Variants in SCN10A observed in about 807,000 individuals in gnomAD.
The protein encoded by SCN10A is sodium channel protein type 10 subunit alpha.
Under a neutral mutation model 170.7 loss-of-function variants are expected in SCN10A, and 162 were observed. The ratio of observed to expected loss-of-function variants is 0.95; its 90% confidence interval spans 0.84 to 1.08. The LOEUF (loss-of-function observed/expected upper bound fraction) is 1.08. SCN10A is among the 50% of genes least tolerant of loss of function. The pLI, the probability that SCN10A is intolerant of heterozygous loss-of-function variation, is 0.00. For synonymous variants in SCN10A, 985 were observed against 904.6 expected, an observed-to-expected ratio of 1.09 and a Z score of -1.59; for missense variants, 2,527 against 2,436.9, an observed-to-expected ratio of 1.04 and a Z score of -0.78.
At chr3:38,793,077 CAT>C (rs1473512814) in intron 2 of SCN10A, among the ~76,000 whole-genome samples, 1 of 151,622 alleles carries the variant, frequency 6.6e-6, no homozygotes, top group Non-Finnish European at 1.5e-5. Context: ...ATATATACAT[CAT>C]ATGTGTGTGT....
At chr3:38,811,976 G>A (rs1209339041) in intron 1 of SCN10A, among the ~76,000 whole-genome samples, 1 of 152,174 alleles carries the variant, frequency 6.6e-6, no homozygotes, top group Non-Finnish European at 1.5e-5. Context: ...TTACGGTGGG[G>A]CAATGAGCCA....
rs543104450 is a variant in SCN10A, at chr3:38,746,127, C to A, written c.1868-3598G>T. 2.3e-4 allele frequency among the ~76,000 whole-genome samples: 29 copies of A among 123,920 alleles called. No individual in the cohort carries two copies. In the South Asian group the frequency reaches 7.4e-3, roughly 32 times the overall value. 81.3% of individuals were successfully genotyped at this position (123,920 alleles called of 152,430 possible). The stretch of plus-strand genomic sequence containing the variant: ...CCATCTTTGTCATCTAAGTTCTAGA[C>A]CCCTATATCCTAAAGTCAACTTCCT... On this transcript the variant is annotated intron_variant, in intron 13 of 27. Coordinates refer to ENST00000449082, the MANE Select transcript of SCN10A (RefSeq NM_006514.4).
At chr3:38,746,640 T>C (rs2063693799) in intron 13 of SCN10A, among the ~76,000 whole-genome samples, 1 of 152,192 alleles carries the variant, frequency 6.6e-6, no homozygotes, top group African/African-American at 2.4e-5. Context: ...TCTAGCCTTA[T>C]TTTCAGTTCT....
intron 18 of SCN10A, 88 bp downstream of exon 18, chr3:38,725,086 A>T: frequency 1.5e-6 from 2 of 1,317,164 alleles, no homozygotes; most frequent in Non-Finnish European, 2.1e-6. Context: ...GGAATACCCC[A>T]CCTTCACCGC....
chr3:38,697,784 T>G lies in SCN10A; in HGVS notation c.5436A>C (p.Leu1812=), dbSNP rs201753955. ...DILFAFTKNV[L]GESGELDSLK... ...GAGAATCCAACTCCCCGGATTCTCC[T>G]AGGACATTCTTGGTGAAAGCAAAAA... The change falls in exon 28 of 28, where the codon CTA becomes CTC. Residue 1812 remains leucine, a synonymous_variant. Transcript: ENST00000449082. The G allele has an allele frequency of 6.2e-7, 1 of 1,614,162 alleles. No homozygotes were observed. Among genetic ancestry groups the G allele is most frequent in the South Asian group, 1.1e-5 (1 of 91,080 alleles).
intron 16 of SCN10A, among the ~76,000 whole-genome samples, chr3:38,727,787 C>T (rs532310183): frequency 6.6e-6 from 1 of 152,216 alleles, no homozygotes; most frequent in Admixed American, 6.5e-5. Context: ...CCAGTCAGTC[C>T]CAGGAGGGCA....
intron 24 of SCN10A, among the ~76,000 whole-genome samples, chr3:38,710,557 G>A (rs1028548081): frequency 2.0e-5 from 3 of 152,166 alleles, no homozygotes; most frequent in Admixed American, 2.0e-4. Flanking sequence ...TGTCCAGGGA[G>A]TGGCTCACAT....
In SCN10A at chr3:38,763,545, G is replaced by A. The variant is rs1476063521; in HGVS notation, c.651C>T (p.Phe217=). ...DLRGISGLRT[F]RVLRALKTVS... is the part of the protein sequence containing the mutation. Reference sequence around the variant, plus strand: ...CTGTTTTTAATGCTCTAAGAACTCTGAATGTCCGCAGGCCTGAGATCCCAC... The same window carrying A: ...CTGTTTTTAATGCTCTAAGAACTCTAAATGTCCGCAGGCCTGAGATCCCAC... Residue 217 remains phenylalanine (F), a synonymous_variant, in exon 6 of 28, where the codon TTC becomes TTT. Coordinates refer to ENST00000449082, the MANE Select transcript of SCN10A (RefSeq NM_006514.4). 6 of 1,613,978 alleles carry A rather than the reference G, an allele frequency of 3.7e-6. No homozygotes were observed. The highest frequency in any genetic ancestry group is 2.2e-5 in the South Asian group (2 of 91,084).
chr3:38,705,260 GA>G (rs1440036650), intron 26 of SCN10A, among the ~76,000 whole-genome samples: 1 of 151,976 alleles, frequency 6.6e-6, no homozygotes, highest in Non-Finnish European at 1.5e-5. Flanking sequence ...GCTTGGGCCA[GA>G]ATATTAAGGG....
intron 16 of SCN10A, among the ~76,000 whole-genome samples, chr3:38,727,578 A>T (rs2063471496): frequency 6.6e-6 from 1 of 152,172 alleles, no homozygotes; most frequent in Non-Finnish European, 1.5e-5. Flanking sequence ...GGAAGAACAG[A>T]GTTTCTGGGA....
At chr3:38,793,679 G>A in intron 2 of SCN10A, 62 bp downstream of exon 2, 1 of 1,566,736 alleles carries the variant, frequency 6.4e-7, no homozygotes, top group Non-Finnish European at 8.7e-7. Context: ...TTTCTGGGCT[G>A]GGTGGGACCG....
intron 15 of SCN10A, among the ~76,000 whole-genome samples, chr3:38,738,109 T>A (rs2063590689): frequency 6.6e-6 from 1 of 151,882 alleles, no homozygotes; most frequent in Non-Finnish European, 1.5e-5. Context: ...CCTGGCTAAT[T>A]TTTTCATTTT....
chr3:38,801,717 G>C (rs2064372400), intron 1 of SCN10A, among the ~76,000 whole-genome samples: 1 of 152,180 alleles, frequency 6.6e-6, no homozygotes, highest in South Asian at 2.1e-4. Flanking sequence ...ATTTGACTCT[G>C]TATAGTAGAT....
intron 21 of SCN10A, among the ~76,000 whole-genome samples, chr3:38,714,332 C>G (rs2063308963): frequency 6.6e-6 from 1 of 152,222 alleles, no homozygotes. Context: ...TCACCAACCT[C>G]TGGTACGTAG....
In SCN10A at chr3:38,723,544, C is replaced by T. The variant is rs376528831; in HGVS notation, c.3238G>A (p.Asp1080Asn). ...VPQVPAEGVD[D>N]TSSSEGSTVD... The stretch of plus-strand genomic sequence containing the variant: ...GTGCTGCCCTCAGAGGAGCTTGTGT[C>T]GTCCACTCCCTGCAGGGGAGAAGCC... Residue 1080 changes from aspartate to asparagine, a missense_variant, in exon 19 of 28, where the codon GAC (aspartate) becomes AAC (asparagine). Physicochemically the swap from Asp to Asn is conservative, Grantham distance 23. Coordinates refer to ENST00000449082, the MANE Select transcript of SCN10A (RefSeq NM_006514.4). 6.4e-5 allele frequency: 102 copies of T among 1,594,682 alleles called. No homozygotes were observed. The Admixed American group carries it at 1.4e-3, about 22-fold the overall frequency.
chr3:38,800,678 T>C (rs934488616), intron 1 of SCN10A, among the ~76,000 whole-genome samples: 3 of 152,254 alleles, frequency 2.0e-5, no homozygotes, highest in Admixed American at 6.5e-5. Context: ...TAGGACTTCC[T>C]GCCTTTTGTT....
chr3:38,803,493 C>A, intron 1 of SCN10A, among the ~76,000 whole-genome samples: 1 of 152,072 alleles, frequency 6.6e-6, no homozygotes, highest in East Asian at 1.9e-4. Flanking sequence ...ATTTCATGTC[C>A]TTTGTAGGGA....
Position 38,811,195 on chromosome 3 carries a change from G to A in SCN10A, c.-33+4842C>T, listed in dbSNP as rs556132488. ...AGTCCAGGCACGGTGGCTCACGCCT[G>A]TAATCCCAGCACTTTGGGAGGCCAA... On this transcript the variant is annotated intron_variant, in intron 1 of 27. Coordinates refer to ENST00000449082, the MANE Select transcript of SCN10A (RefSeq NM_006514.4). 1.2e-4 allele frequency among the ~76,000 whole-genome samples: 19 copies of A among 152,274 alleles called. No individual in the cohort carries two copies. The South Asian group carries it at 3.3e-3, about 27-fold the overall frequency.
chr3:38,718,616 G>A (rs1268209176), intron 21 of SCN10A, 37 bp downstream of exon 21: 2 of 1,607,456 alleles, frequency 1.2e-6, no homozygotes, highest in African/African-American at 1.3e-5. Flanking sequence ...CAGAGGGGAG[G>A]ACCCCAAACC....
Sources: allele counts gnomAD v4.1 joint callset (sites outside exome capture counted in the v4.1 genomes callset), GRCh38; gene constraint gnomAD v4.1.1; transcripts MANE v1.5; gene names NCBI Gene and HGNC (gene_info 2026-07-23, HGNC 2026-07-21).